COX15: variants seen among roughly 807,000 people sequenced by gnomAD.
COX15 encodes cytochrome c oxidase assembly factor COX15, also known as heme A synthase COX15.
COX15 carries 51 observed loss-of-function variants against 51.9 expected under a neutral mutation model. The observed-to-expected ratio is 0.98, with a 90% confidence interval of 0.78 to 1.24. The LOEUF (loss-of-function observed/expected upper bound fraction) is 1.24. Ranked by LOEUF, COX15 falls within the 50% of genes most tolerant of loss-of-function variation. The pLI is 0.00. For missense variants in COX15, 420 were observed against 501.1 expected (o/e 0.84, Z 1.55); for synonymous variants, 188 against 190.5 (o/e 0.99, Z 0.11).
chr10:99,704,659 G>A, the COX15 span: 3 of 1,613,936 alleles, frequency 1.9e-6, no homozygotes, highest in Non-Finnish European at 8.5e-7. Context: ...TGGTGCCCAT[G>A]ATGGGAGTAC....
the COX15 span, chr10:99,702,692 A>G: frequency 6.9e-6 from 11 of 1,590,600 alleles, no homozygotes; most frequent in African/African-American, 1.4e-5. Context: ...AGACTGACCA[A>G]TCTGGTATCT....
the COX15 span, chr10:99,697,460 C>A: frequency 0.016 from 2,567 of 160,970 alleles, 36 homozygotes; most frequent in Non-Finnish European, 0.028. Flanking sequence ...CTCCAAACTA[C>A]TTCTTGCCAG....
chr10:99,695,337 A>G, the COX15 span, among the ~76,000 whole-genome samples: 1 of 152,216 alleles, frequency 6.6e-6, no homozygotes. Flanking sequence ...ATCCTGGCCA[A>G]CATGGTGAAA....
At chr10:99,709,394 A>G (rs1340265157), downstream of COX15, 4 of 985,336 alleles carry the variant, frequency 4.1e-6, no homozygotes, top group Non-Finnish European at 4.8e-6. Context: ...CTCCCATATT[A>G]GTCTCTTAGG....
At chr10:99,707,794 T>C, downstream of COX15, among the ~76,000 whole-genome samples, 1 of 152,204 alleles carries the variant, frequency 6.6e-6, no homozygotes, top group East Asian at 1.9e-4. Context: ...AAAATACCCA[T>C]TTATGTGGCA....
chr10:99,701,578 G>A, the COX15 span, among the ~76,000 whole-genome samples: 7 of 151,562 alleles, frequency 4.6e-5, no homozygotes, highest in African/African-American at 7.3e-5. Flanking sequence ...ATGAGCCACC[G>A]GGCCCGGCCA....
chr10:99,696,631 G>C, the COX15 span, among the ~76,000 whole-genome samples: 1 of 152,124 alleles, frequency 6.6e-6, no homozygotes, highest in African/African-American at 2.4e-5. Flanking sequence ...TTTAGCATTG[G>C]ACAGATCACA....
At chr10:99,709,357 T>C (rs568331928), downstream of COX15, 13 of 985,424 alleles carry the variant, frequency 1.3e-5, no homozygotes, top group African/African-American at 1.9e-4. Context: ...ATAAGAATTA[T>C]GGTAGAAATA....
At chr10:99,694,786 C>CT in the COX15 span, among the ~76,000 whole-genome samples, 5 of 152,278 alleles carry the variant, frequency 3.3e-5, no homozygotes, top group East Asian at 9.7e-4. Context: ...ATCCACCCTC[C>CT]TTGGCCTCCC....
intron 2 of COX15, among the ~76,000 whole-genome samples, chr10:99,727,996 A>G (rs1447866749): frequency 6.6e-6 from 1 of 152,214 alleles, no homozygotes; most frequent in Non-Finnish European, 1.5e-5. Flanking sequence ...TCACTTGCTC[A>G]TAACAACCTA....
intron 6 of COX15, among the ~76,000 whole-genome samples, chr10:99,720,133 T>C (rs1051357145): frequency 6.6e-6 from 1 of 151,982 alleles, no homozygotes; most frequent in Non-Finnish European, 1.5e-5. Flanking sequence ...AGAGCAGCAG[T>C]GGTGGAAGTG....
At chr10:99,695,250 C>A in the COX15 span, among the ~76,000 whole-genome samples, 5 of 152,264 alleles carry the variant, frequency 3.3e-5, no homozygotes, top group African/African-American at 1.2e-4. Flanking sequence ...CAGAACCGGG[C>A]ACAGTGGCTC....
At chr10:99,705,620 T>G in the COX15 span, 1 of 152,200 alleles carries the variant, frequency 6.6e-6, no homozygotes, top group African/African-American at 2.4e-5. Context: ...GGAATGTATT[T>G]GGGTTGTTTT....
At chr10:99,703,418 T>C in the COX15 span, among the ~76,000 whole-genome samples, 1 of 152,258 alleles carries the variant, frequency 6.6e-6, no homozygotes, top group Admixed American at 6.5e-5. Flanking sequence ...GGCTGGTTAC[T>C]GTCACACACA....
the COX15 span, among the ~76,000 whole-genome samples, chr10:99,701,580 G>T: frequency 6.6e-6 from 1 of 151,642 alleles, no homozygotes; most frequent in South Asian, 2.1e-4. Flanking sequence ...GAGCCACCGG[G>T]CCCGGCCAAA....
rs555277459 is a variant in COX15, at chr10:99,731,419, T to G, written c.90+541A>C. ...CTTTCTTTTTCCAGTTCCTAATATA[T>G]AATAACCACTCAATAATTACTAGTT... On this transcript the variant is annotated intron_variant, in intron 1 of 8. Transcript: ENST00000016171. Among the ~76,000 whole-genome samples the G allele has an allele frequency of 7.0e-4, 106 of 152,324 alleles. 2 individuals carry two copies. Among genetic ancestry groups the G allele is most frequent in the African/African-American group, 2.5e-3 (104 of 41,570 alleles).
intron 6 of COX15, among the ~76,000 whole-genome samples, chr10:99,719,602 C>T (rs997146361): frequency 3.9e-4 from 60 of 152,012 alleles, no homozygotes; most frequent in Admixed American, 1.0e-3. Flanking sequence ...GCAATCCTCC[C>T]GCCTCAGCCC....
chr10:99,718,257 C>T, intron 7 of COX15, 89 bp downstream of exon 7: 1 of 1,391,906 alleles, frequency 7.2e-7, no homozygotes, highest in Non-Finnish European at 1.0e-6. Context: ...GCTCTACCCT[C>T]TCAGTGTTGC....
the COX15 span, chr10:99,702,747 CTTT>C: frequency 1.3e-5 from 15 of 1,125,932 alleles, 1 homozygote; most frequent in South Asian, 2.4e-4. Context: ...CGGTTTCTTT[CTTT>C]TTTTTTTTAA....
Sources: allele counts gnomAD v4.1 joint callset (sites outside exome capture counted in the v4.1 genomes callset), GRCh38; gene constraint gnomAD v4.1.1; transcripts MANE v1.5; gene names NCBI Gene and HGNC (gene_info 2026-07-23, HGNC 2026-07-21).